Variants in HTRA1 observed in about 807,000 individuals in gnomAD.
HTRA1 encodes the protein serine protease HTRA1.
HTRA1 carries 26 observed loss-of-function variants against 49.7 expected under a neutral mutation model. The ratio of observed to expected loss-of-function variants is 0.52; its 90% CI spans 0.38 to 0.73. The LOEUF is 0.73. Ranked by LOEUF, HTRA1 falls within the 30% of genes least tolerant of loss-of-function variation. The pLI, the probability that HTRA1 is intolerant of heterozygous loss-of-function variation, is 0.00. For missense variants in HTRA1, 561 were observed against 667.2 expected (o/e 0.84, Z 1.75); for synonymous variants, 291 against 286.9 (o/e 1.01, Z -0.14).
At chr10:122,511,887 C>A in intron 7 of HTRA1, 83 bp from the exon 8 acceptor site, 1 of 952,950 alleles carries the variant, frequency 1.0e-6, no homozygotes, top group Non-Finnish European at 1.7e-6. Context: ...AAGGAGAAGA[C>A]GGGAACTGGT....
Position 122,461,995 on chromosome 10 carries a change from A to C in HTRA1, c.343A>C (p.Ser115Arg), listed in dbSNP as rs1466375942. The C allele has an allele frequency of 6.5e-7, 1 of 1,526,724 alleles. No individual in the cohort carries two copies. Among genetic ancestry groups the C allele is most frequent in the South Asian group, 1.2e-5 (1 of 83,304 alleles). The allele number at this position is 1,526,724 out of a possible 1,614,324, so 94.6% of individuals were successfully genotyped here. The part of the protein sequence containing the change: ...AQAGLCVCAS[S>R]EPVCGSDANT... ...GGCCGGCCTCTGTGTGTGCGCCAGCAGCGAGCCGGTGTGCGGCAGCGACGC... is the reference window on the plus strand; with the variant it reads ...GGCCGGCCTCTGTGTGTGCGCCAGCCGCGAGCCGGTGTGCGGCAGCGACGC... The change falls in exon 1 of 9, where the codon AGC (serine) becomes CGC (arginine). Residue 115 changes from serine to arginine, a missense_variant. Ser to Arg is a moderately radical substitution (Grantham distance 110, BLOSUM62 -1). This residue lies in a region of HTRA1 where 271 missense variants were observed against 410.0 expected (regional missense o/e 0.66). Transcript: ENST00000368984.
At chr10:122,473,695 T>A (rs2097487163) in intron 1 of HTRA1, among the ~76,000 whole-genome samples, 1 of 152,188 alleles carries the variant, frequency 6.6e-6, no homozygotes, top group Non-Finnish European at 1.5e-5. Context: ...GACACTTTCA[T>A]CACCGTAAAA....
intron 1 of HTRA1, among the ~76,000 whole-genome samples, chr10:122,462,628 T>A (rs561265667): frequency 5.3e-5 from 8 of 152,362 alleles, no homozygotes; most frequent in Admixed American, 3.3e-4. Context: ...TGTAACTCTT[T>A]TGGAAAGGAA....
At position 122,514,488 on chromosome 10, in the gene HTRA1, C is replaced by G. The variant is rs1198784465; in HGVS notation, c.*129C>G. 19 of 852,832 alleles carry G rather than the reference C, an allele frequency of 2.2e-5. No homozygotes were observed. In the East Asian group the frequency reaches 4.5e-4, roughly 20 times the overall value. 52.8% of individuals were successfully genotyped at this position (852,832 alleles called of 1,614,324 possible). On this transcript the variant is annotated 3_prime_UTR_variant, in exon 9 of 9. Transcript: ENST00000368984. ...CCATTTTGTTTGTTCAGTGGAGACT[C>G]CCTGGCCAACAGAATCCTTCTTGAT...
At chr10:122,478,222 T>C (rs1253399239) in intron 1 of HTRA1, among the ~76,000 whole-genome samples, 1 of 152,132 alleles carries the variant, frequency 6.6e-6, no homozygotes, top group Non-Finnish European at 1.5e-5. Flanking sequence ...GACATTAGAA[T>C]GTAAATGTGA....
chr10:122,511,481 C>T (rs1039855468), intron 7 of HTRA1, among the ~76,000 whole-genome samples: 1 of 151,914 alleles, frequency 6.6e-6, no homozygotes, highest in South Asian at 2.1e-4. Context: ...ATCTGTAATC[C>T]CAGCACTTTG....
At chr10:122,484,528 T>C (rs2097492310) in intron 1 of HTRA1, among the ~76,000 whole-genome samples, 1 of 152,218 alleles carries the variant, frequency 6.6e-6, no homozygotes, top group Non-Finnish European at 1.5e-5. Context: ...GCCACTGATG[T>C]GTGACTTGCT....
At chr10:122,497,543 T>C (rs973458509) in intron 3 of HTRA1, among the ~76,000 whole-genome samples, 4 of 151,764 alleles carry the variant, frequency 2.6e-5, no homozygotes, top group African/African-American at 7.3e-5. Flanking sequence ...CCAAATAGAG[T>C]AGGACTGAGC....
At chr10:122,504,096 G>C (rs551998277) in intron 3 of HTRA1, among the ~76,000 whole-genome samples, 4 of 152,136 alleles carry the variant, frequency 2.6e-5, no homozygotes, top group African/African-American at 9.7e-5. Flanking sequence ...AGCAGGCAGC[G>C]TCCCCTGGAG....
intron 5 of HTRA1, 105 bp from the exon 6 acceptor site, chr10:122,508,551 A>G (rs1001892633): frequency 3.6e-6 from 3 of 828,726 alleles, no homozygotes; most frequent in Non-Finnish European, 4.3e-6. Context: ...CCCCACTTCG[A>G]TCTCTGAAAT....
At chr10:122,503,678 A>T (rs1437405334) in intron 3 of HTRA1, among the ~76,000 whole-genome samples, 1 of 152,130 alleles carries the variant, frequency 6.6e-6, no homozygotes, top group Non-Finnish European at 1.5e-5. Flanking sequence ...ATGGGGGGAA[A>T]ATATAGCTCA....
At chr10:122,509,413 A>C (rs966451532) in intron 6 of HTRA1, among the ~76,000 whole-genome samples, 2 of 152,162 alleles carry the variant, frequency 1.3e-5, no homozygotes, top group African/African-American at 4.8e-5. Flanking sequence ...AGTGAGGAGG[A>C]ACCAGCGGGC....
At chr10:122,504,806 A>G (rs1324170807) in intron 3 of HTRA1, among the ~76,000 whole-genome samples, 1 of 152,236 alleles carries the variant, frequency 6.6e-6, no homozygotes, top group African/African-American at 2.4e-5. Flanking sequence ...GTGCTGCTGG[A>G]TGCTGATGAG....
intron 1 of HTRA1, among the ~76,000 whole-genome samples, chr10:122,467,338 T>A (rs1221117303): frequency 6.6e-6 from 1 of 152,086 alleles, no homozygotes; most frequent in African/African-American, 2.4e-5. Flanking sequence ...AGGTAACAGC[T>A]CCCTCGACCT....
At position 122,511,877 on chromosome 10, in the gene HTRA1, A is replaced by C; in HGVS notation, c.1179-93A>C. 4.6e-6 allele frequency: 4 copies of C among 875,172 alleles called. No homozygotes were observed. In the South Asian group the frequency reaches 5.3e-5, roughly 12 times the overall value. The allele number at this position is 875,172 out of a possible 1,614,324, so 54.2% of individuals were successfully genotyped here. A position where few individuals can be genotyped will look rare whatever the true frequency, so the allele number is the denominator to read the frequency against. On this transcript the variant is annotated intron_variant, in intron 7 of 8. Coordinates refer to ENST00000368984, the MANE Select transcript of HTRA1 (RefSeq NM_002775.5). ...CCTGGAGGAATTTTACCTTAGACCT[A>C]AGGAGAAGACGGGAACTGGTGAGAG...
intron 1 of HTRA1, among the ~76,000 whole-genome samples, chr10:122,469,613 G>A (rs756765652): frequency 6.6e-6 from 1 of 152,210 alleles, no homozygotes; most frequent in Non-Finnish European, 1.5e-5. Flanking sequence ...GTGGGAGCTG[G>A]GCACTGTGCT....
intron 3 of HTRA1, among the ~76,000 whole-genome samples, chr10:122,503,031 T>C (rs995087448): frequency 6.6e-6 from 1 of 152,182 alleles, no homozygotes; most frequent in African/African-American, 2.4e-5. Flanking sequence ...TCCAGGGAGA[T>C]GGTGAAGTGG....
At chr10:122,474,712 C>T (rs558970362) in intron 1 of HTRA1, among the ~76,000 whole-genome samples, 72 of 151,998 alleles carry the variant, frequency 4.7e-4, no homozygotes, top group African/African-American at 1.5e-3. Flanking sequence ...GCTGTTTCCC[C>T]GAAGATAATA....
rs1388809277 is a variant in HTRA1 at position 122,464,824 on chromosome 10, G to T, written c.472+2700G>T. 1.3e-5 allele frequency among the ~76,000 whole-genome samples: 2 copies of T among 152,188 alleles called. No individual in the cohort carries two copies. The highest frequency in any genetic ancestry group is 2.9e-5 in the Non-Finnish European group (2 of 68,046). ...GGCTGCCTGCTCTGGCTGGAAGATTGGCGGGAGAGTCACTTTAGCTGCCAT... is the reference window on the plus strand; with the variant it reads ...GGCTGCCTGCTCTGGCTGGAAGATTTGCGGGAGAGTCACTTTAGCTGCCAT... On this transcript the variant is annotated intron_variant, in intron 1 of 8. Transcript: ENST00000368984. This position sits in a 1 kb window ranked among gnomAD's most constrained non-coding sequence, Gnocchi z 4.8.
Sources: allele counts gnomAD v4.1 joint callset (sites outside exome capture counted in the v4.1 genomes callset), GRCh38; gene constraint gnomAD v4.1.1; regional missense constraint gnomAD v4.1.1; non-coding constraint Gnocchi (gnomAD v3.1); transcripts MANE v1.5; gene names NCBI Gene and HGNC (gene_info 2026-07-23, HGNC 2026-07-21).